The following COL19A1 variants were observed in gnomAD, a reference collection of about 807,000 sequenced individuals.
COL19A1 encodes collagen type XIX alpha 1 chain.
A neutral mutation model predicts 190.2 loss-of-function variants in COL19A1; 159 were observed. The ratio of observed to expected loss-of-function variants is 0.84; its 90% confidence interval spans 0.73 to 0.95. The LOEUF is 0.95. COL19A1 is among the 40% of genes least tolerant of loss of function. The probability of loss-of-function intolerance (pLI) is 0.00; values close to 1 mark genes in which losing one functional copy is unlikely to be tolerated. For synonymous variants in COL19A1, 509 were observed against 458.9 expected, an observed-to-expected ratio of 1.11 and a Z score of -1.39; for missense variants, 1,418 against 1,431.9, an observed-to-expected ratio of 0.99 and a Z score of 0.16.
rs1046103359 is a variant in COL19A1, at chr6:70,045,344, G to A, written c.1170+9405G>A. On this transcript the variant is annotated intron_variant, in intron 14 of 50. Transcript: ENST00000620364. The stretch of plus-strand genomic sequence containing the variant: ...AAAAAAAAAAAAAAAAACTTTCTCC[G>A]ATCATTCTGTCATCTGAGTAATATC... Among the ~76,000 whole-genome samples the A allele has an allele frequency of 4.7e-5, 7 of 147,724 alleles. No individual in the cohort carries two copies. The East Asian group carries it at 9.9e-4, about 21-fold the overall frequency.
intron 11 of COL19A1, among the ~76,000 whole-genome samples, chr6:69,989,632 A>G (rs1338372530): frequency 4.1e-5 from 6 of 145,696 alleles, no homozygotes; most frequent in African/African-American, 1.1e-4. Context: ...TCTTCTTCCA[A>G]TGTGGCCCAG....
chr6:69,947,691 G>A (rs1339620304), intron 9 of COL19A1, among the ~76,000 whole-genome samples: 1 of 151,772 alleles, frequency 6.6e-6, no homozygotes, highest in Non-Finnish European at 1.5e-5. Flanking sequence ...AGTTAGCACA[G>A]CAATAACTGA....
At chr6:70,007,859 A>G (rs532614877) in intron 11 of COL19A1, among the ~76,000 whole-genome samples, 1 of 152,002 alleles carries the variant, frequency 6.6e-6, no homozygotes, top group Non-Finnish European at 1.5e-5. Flanking sequence ...TAAGGATTCA[A>G]GTTATATAAA....
At chr6:69,970,479 C>T (rs1251167693) in intron 11 of COL19A1, among the ~76,000 whole-genome samples, 1 of 152,056 alleles carries the variant, frequency 6.6e-6, no homozygotes, top group Non-Finnish European at 1.5e-5. Flanking sequence ...TTAACTTTAT[C>T]TAAACTAAAA....
At chr6:70,035,189 G>A (rs759678482) in intron 13 of COL19A1, among the ~76,000 whole-genome samples, 34 of 152,184 alleles carry the variant, frequency 2.2e-4, no homozygotes, top group Non-Finnish European at 4.0e-4. Flanking sequence ...GAAAGGATGC[G>A]TGGTCTTTAA....
intron 49 of COL19A1, 93 bp from the exon 50 acceptor site, chr6:70,206,808 T>C (rs1386036738): frequency 1.2e-5 from 13 of 1,047,406 alleles, no homozygotes; most frequent in Admixed American, 8.1e-5. Context: ...ATGTATCACA[T>C]AATTATCACA....
At chr6:70,031,729 CCATATCTTTGCTAG>C (rs1779085744) in intron 12 of COL19A1, among the ~76,000 whole-genome samples, 1 of 152,050 alleles carries the variant, frequency 6.6e-6, no homozygotes, top group Non-Finnish European at 1.5e-5. Flanking sequence ...CAGAATGATT[CCATATCTTTGCTAG>C]GATCCTTCTG....
chr6:70,042,941 C>T (rs1417571261), intron 14 of COL19A1, among the ~76,000 whole-genome samples: 1 of 152,160 alleles, frequency 6.6e-6, no homozygotes, highest in Non-Finnish European at 1.5e-5. Context: ...ACTTCTAATT[C>T]TAGTTCTCTT....
chr6:69,889,514 C>T (rs1769180416), intron 2 of COL19A1, among the ~76,000 whole-genome samples: 1 of 152,168 alleles, frequency 6.6e-6, no homozygotes, highest in African/African-American at 2.4e-5. Context: ...GATAAATGCA[C>T]CAATCAGCAC....
chr6:70,068,477 G>T lies in COL19A1; in HGVS notation c.1224+1G>T, dbSNP rs766625405. 1.3e-6 allele frequency: 2 copies of T among 1,586,966 alleles called. No individual in the cohort carries two copies. The highest frequency in any genetic ancestry group is 1.7e-6 in the Non-Finnish European group (2 of 1,158,366). ...TCCACCTGGAAAAGAGGGTCAGAGGGTAAGTAAAGCTGGAACAACTGGTGG... is the reference window on the plus strand; with the variant it reads ...TCCACCTGGAAAAGAGGGTCAGAGGTTAAGTAAAGCTGGAACAACTGGTGG... On this transcript the variant is annotated splice_donor_variant, in intron 15 of 50. Coordinates refer to ENST00000620364, the MANE Select transcript of COL19A1 (RefSeq NM_001858.6). LOFTEE classifies it high-confidence loss of function.
chr6:70,082,505 C>T (rs1300427786), intron 15 of COL19A1, among the ~76,000 whole-genome samples: 4 of 151,980 alleles, frequency 2.6e-5, no homozygotes, highest in African/African-American at 9.7e-5. Flanking sequence ...CTCCACCTCC[C>T]GGGTTCAAGC....
chr6:70,088,929 A>G (rs544801234), intron 15 of COL19A1, among the ~76,000 whole-genome samples: 5 of 152,310 alleles, frequency 3.3e-5, no homozygotes, highest in African/African-American at 1.2e-4. Context: ...TGTTTCCAAC[A>G]TTAGCTCCTG....
intron 15 of COL19A1, among the ~76,000 whole-genome samples, chr6:70,072,308 T>C (rs1781606139): frequency 6.6e-6 from 1 of 152,182 alleles, no homozygotes; most frequent in Non-Finnish European, 1.5e-5. Context: ...TCACATTAAA[T>C]GCACATCTGA....
chr6:69,891,632 G>A (rs192391272), intron 2 of COL19A1, among the ~76,000 whole-genome samples: 4 of 152,218 alleles, frequency 2.6e-5, no homozygotes, highest in South Asian at 4.2e-4. Flanking sequence ...GGCAGCTGCC[G>A]CCATGAGTGC....
intron 11 of COL19A1, among the ~76,000 whole-genome samples, chr6:70,010,792 C>T (rs1340504075): frequency 1.6e-5 from 2 of 126,650 alleles, no homozygotes; most frequent in East Asian, 2.6e-4. Flanking sequence ...GAGGGGCGCC[C>T]GCCATTGCCC....
At chr6:69,947,483 C>T (rs1479488928) in intron 9 of COL19A1, among the ~76,000 whole-genome samples, 2 of 151,768 alleles carry the variant, frequency 1.3e-5, no homozygotes, top group African/African-American at 2.4e-5. Context: ...TCGTATTTTT[C>T]CCTATATATG....
intron 12 of COL19A1, among the ~76,000 whole-genome samples, chr6:70,027,014 C>T (rs1778763839): frequency 1.3e-5 from 2 of 151,990 alleles, no homozygotes; most frequent in Non-Finnish European, 2.9e-5. Flanking sequence ...TTTCAATAAG[C>T]CCAGGTATAC....
intron 14 of COL19A1, among the ~76,000 whole-genome samples, chr6:70,057,312 T>C (rs1219147776): frequency 6.6e-6 from 1 of 152,144 alleles, no homozygotes; most frequent in Non-Finnish European, 1.5e-5. Context: ...ACCAATTTTT[T>C]ACTTGTCAAC....
chr6:69,891,309 A>AACTCTTT, intron 2 of COL19A1: 1 of 152,934 alleles, frequency 6.5e-6, no homozygotes, highest in South Asian at 2.1e-4. Context: ...TTGGGAAATT[A>AACTCTTT]ACTCTTTCTA....
Sources: gnomAD v4.1 joint callset for allele counts (sites outside exome capture counted in the v4.1 genomes callset) on GRCh38, gnomAD v4.1.1 for gene constraint, MANE v1.5 for transcripts, NCBI Gene and HGNC (gene_info 2026-07-23, HGNC 2026-07-21) for gene names.